NRG1: variants seen among roughly 807,000 people sequenced by gnomAD.
The protein encoded by NRG1 is neuregulin 1.
In NRG1, 18 loss-of-function variants were observed where a neutral mutation model predicts 63.8. The observed-to-expected ratio is 0.28, with a 90% CI of 0.19 to 0.42. NRG1 has a LOEUF of 0.42. Ranked by LOEUF, NRG1 falls within the 10% of genes least tolerant of loss-of-function variation. The pLI, the probability that NRG1 is intolerant of heterozygous loss-of-function variation, is 1.00. For synonymous variants in NRG1, 302 were observed against 301.3 expected (o/e 1.00, Z -0.02); for missense variants, 762 against 814.7 (o/e 0.94, Z 0.79).
At chr8:32,236,147 G>A (rs1252447791) in intron 1 of NRG1, among the ~76,000 whole-genome samples, 1 of 151,112 alleles carries the variant, frequency 6.6e-6, no homozygotes, top group Non-Finnish European at 1.5e-5. Flanking sequence ...GTGTGTGTGT[G>A]AATGTGTGTG....
intron 1 of NRG1, among the ~76,000 whole-genome samples, chr8:32,289,713 C>G (rs933374425): frequency 2.0e-5 from 3 of 152,050 alleles, no homozygotes; most frequent in Non-Finnish European, 4.4e-5. Context: ...GCTTGTCTAA[C>G]TTAACAAATG....
intron 1 of NRG1, among the ~76,000 whole-genome samples, chr8:32,438,786 T>C (rs1819118168): frequency 6.6e-6 from 1 of 152,206 alleles, no homozygotes. Flanking sequence ...TAGTGGCTAA[T>C]GATGTTGAAC....
intron 1 of NRG1, among the ~76,000 whole-genome samples, chr8:32,169,578 A>AG (rs1839785157): frequency 6.6e-6 from 1 of 152,212 alleles, no homozygotes; most frequent in South Asian, 2.1e-4. Flanking sequence ...CTGAAATTGA[A>AG]GGATCGGTTG....
At chr8:32,588,321 CTGAGCTGAT>C (rs1379192891) in intron 1 of NRG1, among the ~76,000 whole-genome samples, 1 of 152,132 alleles carries the variant, frequency 6.6e-6, no homozygotes, top group Non-Finnish European at 1.5e-5. Flanking sequence ...TTCTATTTAA[CTGAGCTGAT>C]TGTGGCTCAT....
chr8:32,550,293 T>A (rs1833875535), intron 1 of NRG1, among the ~76,000 whole-genome samples: 1 of 152,174 alleles, frequency 6.6e-6, no homozygotes, highest in African/African-American at 2.4e-5. Context: ...CCATAGCACT[T>A]TATTCAACAA....
At chr8:31,883,341 TACA>T (rs1202442646) in intron 1 of NRG1, among the ~76,000 whole-genome samples, 2 of 152,174 alleles carry the variant, frequency 1.3e-5, no homozygotes, top group African/African-American at 4.8e-5. Flanking sequence ...TACAGTATAG[TACA>T]ACTTTTGTAT....
intron 1 of NRG1, among the ~76,000 whole-genome samples, chr8:32,529,544 G>A (rs1468983514): frequency 6.6e-6 from 1 of 151,978 alleles, no homozygotes; most frequent in African/African-American, 2.4e-5. Context: ...CAGACACATT[G>A]TACAGCTGTG....
chr8:31,733,377 C>G (rs1447548834), intron 1 of NRG1, among the ~76,000 whole-genome samples: 1 of 152,094 alleles, frequency 6.6e-6, no homozygotes, highest in African/African-American at 2.4e-5. Flanking sequence ...TTTAAACTCT[C>G]TAAGAATCTT....
At chr8:32,057,686 CTT>C (rs1287773091) in intron 1 of NRG1, among the ~76,000 whole-genome samples, 1 of 152,132 alleles carries the variant, frequency 6.6e-6, no homozygotes, top group African/African-American at 2.4e-5. Context: ...TCATTTCAGT[CTT>C]TTTGAACTTT....
chr8:32,502,097 A>G (rs1007768140), intron 1 of NRG1, among the ~76,000 whole-genome samples: 21 of 152,176 alleles, frequency 1.4e-4, no homozygotes, highest in Non-Finnish European at 1.3e-4. Context: ...TTTACAAAGA[A>G]AAGAGGTTGA....
intron 10 of NRG1, among the ~76,000 whole-genome samples, chr8:32,759,992 G>A (rs1294844827): frequency 6.6e-6 from 1 of 152,172 alleles, no homozygotes; most frequent in Non-Finnish European, 1.5e-5. Flanking sequence ...TGAATATACT[G>A]TATCCTTACA....
chr8:32,393,489 C>T (rs1030050183), intron 1 of NRG1, among the ~76,000 whole-genome samples: 1 of 152,144 alleles, frequency 6.6e-6, no homozygotes, highest in African/African-American at 2.4e-5. Context: ...AACCTAAATG[C>T]CCATCAACAG....
chr8:32,655,109 A>G (rs1425854815), intron 5 of NRG1, among the ~76,000 whole-genome samples: 2 of 152,220 alleles, frequency 1.3e-5, no homozygotes, highest in Non-Finnish European at 2.9e-5. Flanking sequence ...GACATAAAAA[A>G]TATGAAACCA....
intron 1 of NRG1, among the ~76,000 whole-genome samples, chr8:32,370,373 G>A (rs1808652455): frequency 2.6e-5 from 4 of 152,150 alleles, no homozygotes; most frequent in African/African-American, 2.4e-5. Context: ...GGACTGTTAC[G>A]AGAGCAAATG....
At chr8:31,995,624 G>A (rs766272521) in intron 1 of NRG1, among the ~76,000 whole-genome samples, 7 of 151,866 alleles carry the variant, frequency 4.6e-5, no homozygotes, top group East Asian at 2.0e-4. Flanking sequence ...ATCGTTGGGC[G>A]GGGAGGGGGC....
chr8:32,427,918 A>C (rs1025172629), intron 1 of NRG1, among the ~76,000 whole-genome samples: 4 of 152,184 alleles, frequency 2.6e-5, no homozygotes. Flanking sequence ...TTTTAGCTAG[A>C]CTAGACTAGA....
At chr8:32,237,664 G>A (rs1383960) in intron 1 of NRG1, among the ~76,000 whole-genome samples, 113,094 of 152,004 alleles carry the variant, frequency 0.74, 43,158 homozygotes, top group African/African-American at 0.91. Context: ...GACAATAAGC[G>A]CTGAGTTATG....
intron 1 of NRG1, among the ~76,000 whole-genome samples, chr8:32,560,131 A>C (rs1836098261): frequency 6.6e-6 from 1 of 152,276 alleles, no homozygotes; most frequent in Admixed American, 6.5e-5. Flanking sequence ...AACTTTCTAC[A>C]TTCTATCACC....
rs773398472 is a variant in NRG1, at chr8:32,196,943, CTTTT to C, written c.38-398854_38-398851del. ...CTACCAGGCCTGTTCTCAGAACATT[CTTTT>C]TTTTTTTTTTTTTTTTTTTTTTTTT... On this transcript the variant is annotated intron_variant, in intron 1 of 10. Transcript: ENST00000519301. Among the ~76,000 whole-genome samples, 12 of 27,438 alleles carry C rather than the reference CTTTT, an allele frequency of 4.4e-4. No individual in the cohort carries two copies. In the South Asian group the frequency reaches 0.011, roughly 25 times the overall value. 18.0% of individuals were successfully genotyped at this position (27,438 alleles called of 152,430 possible).
Sources: allele counts gnomAD v4.1 joint callset (sites outside exome capture counted in the v4.1 genomes callset), GRCh38; gene constraint gnomAD v4.1.1; transcripts MANE v1.5; gene names NCBI Gene and HGNC (gene_info 2026-07-23, HGNC 2026-07-21).